ZMIZ1: variants seen among roughly 807,000 people sequenced by gnomAD.
ZMIZ1 encodes the protein zinc finger MIZ-type containing 1.
ZMIZ1 carries 17 observed loss-of-function variants against 113.9 expected under a neutral mutation model. That is an observed-to-expected ratio of 0.15 (90% confidence interval 0.10 to 0.22). The LOEUF (loss-of-function observed/expected upper bound fraction) is 0.22, where lower values mean the gene tolerates loss of function less well. Among genes scored for constraint, ZMIZ1 ranks in the 10% least tolerant of loss-of-function variants. The pLI, the probability that ZMIZ1 is intolerant of heterozygous loss-of-function variation, is 1.00. For missense variants in ZMIZ1, 1,059 were observed against 1,477.8 expected, an observed-to-expected ratio of 0.72 and a Z score of 4.65; for synonymous variants, 607 against 603.1, an observed-to-expected ratio of 1.01 and a Z score of -0.09.
intron 7 of ZMIZ1, among the ~76,000 whole-genome samples, chr10:79,232,031 A>C (rs557321129): frequency 1.3e-5 from 2 of 152,182 alleles, no homozygotes; most frequent in Non-Finnish European, 1.5e-5. Context: ...TTTTTGGAGA[A>C]TCTAGTGGAG....
intron 7 of ZMIZ1, among the ~76,000 whole-genome samples, chr10:79,243,020 G>T (rs1199697403): frequency 6.6e-6 from 1 of 151,510 alleles, no homozygotes; most frequent in Non-Finnish European, 1.5e-5. Flanking sequence ...CGAGGCTCGC[G>T]GGGCGGGGAG....
At chr10:79,170,475 G>A (rs1564696062) in intron 4 of ZMIZ1, among the ~76,000 whole-genome samples, 1 of 152,194 alleles carries the variant, frequency 6.6e-6, no homozygotes, top group South Asian at 2.1e-4. Context: ...TGTTCCCTGG[G>A]TGTCACATGC....
At chr10:79,252,174 G>T (rs1850590410) in intron 7 of ZMIZ1, among the ~76,000 whole-genome samples, 1 of 151,884 alleles carries the variant, frequency 6.6e-6, no homozygotes, top group African/African-American at 2.4e-5. Context: ...GCCTCAGGAG[G>T]CAGGCTCCTG....
At chr10:79,137,671 G>A (rs149239513) in intron 2 of ZMIZ1, among the ~76,000 whole-genome samples, 7 of 152,296 alleles carry the variant, frequency 4.6e-5, no homozygotes, top group South Asian at 2.1e-4. Flanking sequence ...GAGCTCTCCC[G>A]GTAACTGGGA....
chr10:79,146,838 ATTC>A lies in ZMIZ1; in HGVS notation c.-131+7066_-131+7068del, dbSNP rs1044219491. On this transcript the variant is annotated intron_variant, in intron 3 of 24. Transcript: ENST00000334512. Reference sequence around the variant, plus strand: ...CAGAAAACAAGTGCTTGGGGAGGGCATTCTTCTGGGTGAAGAAGGGCAGCCGGT... The same window carrying A: ...CAGAAAACAAGTGCTTGGGGAGGGCATTCTGGGTGAAGAAGGGCAGCCGGT... 2.4e-4 allele frequency among the ~76,000 whole-genome samples: 37 copies of A among 152,290 alleles called. 1 individual carries two copies. The highest frequency in any genetic ancestry group is 6.8e-3 in the Middle Eastern group (2 of 294).
chr10:79,122,663 C>T (rs1844350326), intron 2 of ZMIZ1, among the ~76,000 whole-genome samples: 1 of 152,130 alleles, frequency 6.6e-6, no homozygotes, highest in African/African-American at 2.4e-5. Context: ...ATAGAGTTCT[C>T]TACAGTGTGC....
chr10:79,277,622 G>A (rs894797981), intron 8 of ZMIZ1, among the ~76,000 whole-genome samples: 1 of 152,160 alleles, frequency 6.6e-6, no homozygotes, highest in African/African-American at 2.4e-5. Context: ...CCAGGGTATT[G>A]GGCAAACCCA....
intron 1 of ZMIZ1, among the ~76,000 whole-genome samples, chr10:79,117,807 T>A (rs1038505404): frequency 1.3e-5 from 2 of 152,182 alleles, no homozygotes; most frequent in Non-Finnish European, 2.9e-5. Context: ...GGAAGGGGCT[T>A]CCTGTGATGT....
intron 4 of ZMIZ1, among the ~76,000 whole-genome samples, chr10:79,182,120 G>T (rs950985210): frequency 6.6e-6 from 1 of 152,220 alleles, no homozygotes; most frequent in African/African-American, 2.4e-5. Context: ...CTGTGTGTGT[G>T]TATGTGCACA....
chr10:79,190,240 T>C (rs1326007744), intron 4 of ZMIZ1, among the ~76,000 whole-genome samples: 1 of 152,200 alleles, frequency 6.6e-6, no homozygotes, highest in Non-Finnish European at 1.5e-5. Context: ...CCGTTTGAGC[T>C]GTCTGTGGGC....
At chr10:79,198,112 A>G (rs1847920603) in intron 4 of ZMIZ1, among the ~76,000 whole-genome samples, 1 of 152,044 alleles carries the variant, frequency 6.6e-6, no homozygotes, top group African/African-American at 2.4e-5. Context: ...ACAAAAAACT[A>G]GCCGGACGTG....
At chr10:79,091,776 A>G (rs1398208325) in intron 1 of ZMIZ1, among the ~76,000 whole-genome samples, 2 of 152,188 alleles carry the variant, frequency 1.3e-5, no homozygotes, top group Non-Finnish European at 2.9e-5. Flanking sequence ...ACAGAGGCCA[A>G]GTTTCTAGGG....
At chr10:79,306,012 C>G in intron 21 of ZMIZ1, 88 bp from the exon 22 acceptor site, 1 of 1,543,050 alleles carries the variant, frequency 6.5e-7, no homozygotes, top group Non-Finnish European at 8.7e-7. Flanking sequence ...TCAACAAGGT[C>G]ACCTGGGTGT....
Position 79,291,097 on chromosome 10 carries a change from G to A in ZMIZ1, c.679G>A (p.Ala227Thr), listed in dbSNP as rs1282063189. Residue 227 changes from alanine (A) to threonine (T), a missense_variant, in exon 10 of 25, where the codon GCT becomes ACT. By Grantham distance (58) the Ala-to-Thr change is moderately conservative. This residue lies in a region of ZMIZ1 where 272 missense variants were observed against 350.4 expected (regional missense o/e 0.78). Transcript: ENST00000334512. ...AGQQQQFSAK[A>T]GPAQPYIQQS... ...GCAGCAGCAGCAGTTCTCAGCCAAG[G>A]CTGGCCCCGCTCAGCCCTACATCCA... The A allele has an allele frequency of 6.2e-7, 1 of 1,614,204 alleles. No homozygotes were observed. The highest frequency in any genetic ancestry group is 8.5e-7 in the Non-Finnish European group (1 of 1,180,044).
At chr10:79,072,003 T>G (rs1842303555) in intron 1 of ZMIZ1, among the ~76,000 whole-genome samples, 1 of 151,704 alleles carries the variant, frequency 6.6e-6, no homozygotes. Context: ...AAGGGAGCAG[T>G]AGGGAGTGGA....
At chr10:79,100,453 A>C (rs935136582) in intron 1 of ZMIZ1, among the ~76,000 whole-genome samples, 1 of 151,894 alleles carries the variant, frequency 6.6e-6, no homozygotes, top group Non-Finnish European at 1.5e-5. Flanking sequence ...AAAAAAAAAA[A>C]AAGAGGGCAG....
intron 4 of ZMIZ1, among the ~76,000 whole-genome samples, chr10:79,186,824 G>A (rs1358810923): frequency 6.6e-6 from 1 of 152,228 alleles, no homozygotes. Flanking sequence ...CCACCCGCCA[G>A]GCTGACTGGT....
chr10:79,280,076 C>T (rs946174063), intron 8 of ZMIZ1, among the ~76,000 whole-genome samples: 2 of 151,798 alleles, frequency 1.3e-5, no homozygotes, highest in Non-Finnish European at 2.9e-5. Flanking sequence ...GCAAGCTCCG[C>T]CCCTGGGCTC....
chr10:79,094,133 T>C (rs868326394), intron 1 of ZMIZ1, among the ~76,000 whole-genome samples: 5 of 152,160 alleles, frequency 3.3e-5, no homozygotes, highest in Non-Finnish European at 7.3e-5. Flanking sequence ...AAGGGCCTAA[T>C]TGAGTAAGAG....
Sources: gnomAD v4.1 joint callset for allele counts (sites outside exome capture counted in the v4.1 genomes callset) on GRCh38, gnomAD v4.1.1 for gene constraint, gnomAD v4.1.1 regional missense constraint, MANE v1.5 for transcripts, NCBI Gene and HGNC (gene_info 2026-07-23, HGNC 2026-07-21) for gene names.